Variants in NXPH1 observed in about 807,000 individuals in gnomAD.
NXPH1 encodes the protein neurexophilin 1.
In NXPH1, 5 loss-of-function variants were observed where a neutral mutation model predicts 23.7. That is an observed-to-expected ratio of 0.21 (90% CI 0.11 to 0.44). NXPH1 has a LOEUF of 0.44. Among genes scored for constraint, NXPH1 ranks in the 20% least tolerant of loss-of-function variants. The pLI is 0.99. For synonymous variants in NXPH1, 144 were observed against 122.2 expected, an observed-to-expected ratio of 1.18 and a Z score of -1.18; for missense variants, 324 against 321.6, an observed-to-expected ratio of 1.01 and a Z score of -0.06.
chr7:8,682,494 C>G (rs533443464), intron 2 of NXPH1, among the ~76,000 whole-genome samples: 1 of 152,282 alleles, frequency 6.6e-6, no homozygotes, highest in African/African-American at 2.4e-5. Context: ...CAAGATACCA[C>G]TTCTACTTTA....
intron 2 of NXPH1, among the ~76,000 whole-genome samples, chr7:8,732,846 C>A (rs192046982): frequency 5.3e-5 from 8 of 151,990 alleles, no homozygotes; most frequent in Admixed American, 4.6e-4. Context: ...AAGGACTATA[C>A]CCTTGGGCTT....
At chr7:8,728,801 T>G (rs1210145551) in intron 2 of NXPH1, among the ~76,000 whole-genome samples, 1 of 152,214 alleles carries the variant, frequency 6.6e-6, no homozygotes, top group Non-Finnish European at 1.5e-5. Context: ...TACAATTCTC[T>G]TTTTTGGTTG....
chr7:8,679,798 A>G (rs1821023457), intron 2 of NXPH1, among the ~76,000 whole-genome samples: 1 of 152,238 alleles, frequency 6.6e-6, no homozygotes, highest in Non-Finnish European at 1.5e-5. Flanking sequence ...CAAGGTGGGC[A>G]GATCACGAGG....
chr7:8,652,969 A>G (rs1433219981), intron 2 of NXPH1, among the ~76,000 whole-genome samples: 1 of 152,018 alleles, frequency 6.6e-6, no homozygotes, highest in Admixed American at 6.6e-5. Flanking sequence ...AGAAAAATAT[A>G]GGGCCATTGA....
At chr7:8,737,320 G>A (rs1445332121) in intron 2 of NXPH1, among the ~76,000 whole-genome samples, 1 of 152,160 alleles carries the variant, frequency 6.6e-6, no homozygotes, top group East Asian at 1.9e-4. Context: ...TCGTAAGGCA[G>A]GCCTGGTGGT....
At chr7:8,654,650 G>A (rs760509972) in intron 2 of NXPH1, among the ~76,000 whole-genome samples, 4 of 152,082 alleles carry the variant, frequency 2.6e-5, no homozygotes, top group Middle Eastern at 3.2e-3. Context: ...AATGATAGTG[G>A]CCTTATCTCC....
chr7:8,537,475 G>T (rs1025155271), intron 2 of NXPH1, among the ~76,000 whole-genome samples: 2 of 151,866 alleles, frequency 1.3e-5, no homozygotes, highest in African/African-American at 2.4e-5. Flanking sequence ...GCTGAGCAAA[G>T]GGGGAAAAGC....
rs116475707 is a variant in NXPH1, at chr7:8,583,066, G to A, written c.54+147299G>A. 5.2e-3 allele frequency among the ~76,000 whole-genome samples: 798 copies of A among 152,142 alleles called. 12 individuals are homozygous for A. The highest frequency in any genetic ancestry group is 0.018 in the African/African-American group (733 of 41,382). ...ACCCTGAGTGTGCATACACTTGGCC[G>A]GGTTGTGACAGTGCCCAGGCTTGGT... On this transcript the variant is annotated intron_variant, in intron 2 of 2. Transcript: ENST00000405863.
At chr7:8,621,032 G>T (rs904938910) in intron 2 of NXPH1, among the ~76,000 whole-genome samples, 6 of 152,116 alleles carry the variant, frequency 3.9e-5, no homozygotes, top group African/African-American at 1.4e-4. Context: ...ATGACACTGA[G>T]GTAGGCTGGG....
chr7:8,657,478 A>G (rs1286805855), intron 2 of NXPH1, among the ~76,000 whole-genome samples: 1 of 152,208 alleles, frequency 6.6e-6, no homozygotes, highest in Non-Finnish European at 1.5e-5. Context: ...ACAAGGCGAA[A>G]GTAGAGAAGC....
intron 2 of NXPH1, among the ~76,000 whole-genome samples, chr7:8,547,452 TAAATG>T (rs139191912): frequency 0.056 from 8,460 of 151,398 alleles, 321 homozygotes; most frequent in Middle Eastern, 0.12. Context: ...ATATGATAAA[TAAATG>T]AAAGACTAGA....
At chr7:8,736,132 G>A (rs1441064284) in intron 2 of NXPH1, among the ~76,000 whole-genome samples, 3 of 152,074 alleles carry the variant, frequency 2.0e-5, no homozygotes, top group African/African-American at 4.8e-5. Context: ...ATCTCCTTCA[G>A]TTCTGCTCTG....
chr7:8,703,772 C>T (rs1358156738), intron 2 of NXPH1, among the ~76,000 whole-genome samples: 1 of 152,026 alleles, frequency 6.6e-6, no homozygotes, highest in Non-Finnish European at 1.5e-5. Context: ...TTCATAGCAT[C>T]CCTGAAAGAT....
intron 2 of NXPH1, among the ~76,000 whole-genome samples, chr7:8,499,106 T>G (rs1817388437): frequency 6.6e-6 from 1 of 152,008 alleles, no homozygotes; most frequent in African/African-American, 2.4e-5. Context: ...TGATGATCAG[T>G]GGTGTTGGAC....
chr7:8,504,236 G>A (rs1331374422), intron 2 of NXPH1, among the ~76,000 whole-genome samples: 1 of 151,946 alleles, frequency 6.6e-6, no homozygotes, highest in African/African-American at 2.4e-5. Context: ...TCTTAGGATA[G>A]CAGTACTATT....
At chr7:8,640,591 A>G (rs189813195) in intron 2 of NXPH1, among the ~76,000 whole-genome samples, 3 of 152,086 alleles carry the variant, frequency 2.0e-5, no homozygotes, top group Admixed American at 2.0e-4. Context: ...GTGCTCACTC[A>G]TTATTTTTTA....
chr7:8,570,550 A>G (rs942019662), intron 2 of NXPH1, among the ~76,000 whole-genome samples: 2 of 152,032 alleles, frequency 1.3e-5, no homozygotes, highest in Non-Finnish European at 2.9e-5. Flanking sequence ...AATTGTGGGA[A>G]GTGCAGATAA....
At position 8,679,415 on chromosome 7, in the gene NXPH1, G is replaced by A. The variant is rs572986144; in HGVS notation, c.55-71593G>A. 4.6e-5 allele frequency among the ~76,000 whole-genome samples: 7 copies of A among 152,164 alleles called. No individual in the cohort carries two copies. The East Asian group carries it at 1.2e-3, about 25-fold the overall frequency. ...TCTATGAAAAGAGAAACTGTATCCC[G>A]TTTATCTGTGTATCTCATATAATGG... On this transcript the variant is annotated intron_variant, in intron 2 of 2. Coordinates refer to ENST00000405863, the MANE Select transcript of NXPH1 (RefSeq NM_152745.3).
chr7:8,662,497 T>A (rs1820693370), intron 2 of NXPH1, among the ~76,000 whole-genome samples: 1 of 152,088 alleles, frequency 6.6e-6, no homozygotes, highest in South Asian at 2.1e-4. Flanking sequence ...TCAAGCATAG[T>A]TATGATTCTA....
Sources: allele counts gnomAD v4.1 joint callset (sites outside exome capture counted in the v4.1 genomes callset), GRCh38; gene constraint gnomAD v4.1.1; transcripts MANE v1.5; gene names NCBI Gene and HGNC (gene_info 2026-07-23, HGNC 2026-07-21).